The following AGAP1 variants were observed in gnomAD, a reference collection of about 807,000 sequenced individuals.
AGAP1 encodes the protein arf-GAP with GTPase, ANK repeat and PH domain-containing protein 1.
Under a neutral mutation model 105.3 loss-of-function variants are expected in AGAP1, and 29 were observed. The observed-to-expected ratio is 0.28, with a 90% CI of 0.21 to 0.38. The LOEUF is 0.38. Among genes scored for constraint, AGAP1 ranks in the 10% least tolerant of loss-of-function variants. AGAP1 has a pLI of 1.00. For missense variants in AGAP1, 998 were observed against 1,165.1 expected (o/e 0.86, Z 2.09); for synonymous variants, 509 against 485.9 (o/e 1.05, Z -0.63).
At chr2:236,057,312 T>C (rs1390441877) in intron 16 of AGAP1, among the ~76,000 whole-genome samples, 1 of 152,192 alleles carries the variant, frequency 6.6e-6, no homozygotes, top group Non-Finnish European at 1.5e-5. Flanking sequence ...TTTCAACGTG[T>C]TAGCCAGGCT....
intron 1 of AGAP1, among the ~76,000 whole-genome samples, chr2:235,686,066 C>T (rs1199320207): frequency 5.3e-5 from 8 of 152,156 alleles, no homozygotes; most frequent in Non-Finnish European, 1.2e-4. Flanking sequence ...CAGGTTTGTC[C>T]TGAGCATTTT....
At chr2:235,862,461 A>G (rs1367385408) in intron 9 of AGAP1, among the ~76,000 whole-genome samples, 1 of 152,202 alleles carries the variant, frequency 6.6e-6, no homozygotes, top group Non-Finnish European at 1.5e-5. Flanking sequence ...TGCATTTTCC[A>G]TGCCCGTTCT....
At chr2:236,025,991 C>T (rs1418915669) in intron 13 of AGAP1, among the ~76,000 whole-genome samples, 1 of 152,064 alleles carries the variant, frequency 6.6e-6, no homozygotes, top group Non-Finnish European at 1.5e-5. Flanking sequence ...TCAGGGACCT[C>T]AGAGGCACCA....
intron 13 of AGAP1, among the ~76,000 whole-genome samples, chr2:236,019,243 G>A (rs1486224902): frequency 1.3e-5 from 2 of 152,180 alleles, no homozygotes; most frequent in East Asian, 1.9e-4. Context: ...GCCATTGCCT[G>A]CGCTGGGTGC....
intron 13 of AGAP1, among the ~76,000 whole-genome samples, chr2:235,996,042 C>T (rs759124911): frequency 6.6e-6 from 1 of 152,124 alleles, no homozygotes; most frequent in Non-Finnish European, 1.5e-5. Flanking sequence ...CACGTGGGCT[C>T]GGAGGGGTAC....
Position 235,983,661 on chromosome 2 carries a change from T to C in AGAP1, c.1645+15038T>C, listed in dbSNP as rs1278591115. ...TACCGTGTCCTTACTGTGCCTTTTC[T>C]ATGGTTAGATGTTTAAATACACACT... On this transcript the variant is annotated intron_variant, in intron 13 of 17. Transcript: ENST00000304032. This position sits in a 1 kb window ranked among gnomAD's most constrained non-coding sequence, Gnocchi z 4.5. Among the ~76,000 whole-genome samples, 1 of 152,230 alleles carries C rather than the reference T, an allele frequency of 6.6e-6. No individual in the cohort carries two copies. The highest frequency in any genetic ancestry group is 1.5e-5 in the Non-Finnish European group (1 of 68,054).
In AGAP1 at chr2:235,926,395, C is replaced by T. The variant is rs958680898; in HGVS notation, c.1325-4370C>T. The stretch of plus-strand genomic sequence containing the variant: ...CACATGGCACGAGATGCTCCATGGG[C>T]GTGTTAACCCAGCATGGCAGCTTCC... On this transcript the variant is annotated intron_variant, in intron 11 of 17. Transcript: ENST00000304032. Among the ~76,000 whole-genome samples the T allele has an allele frequency of 5.3e-5, 8 of 152,156 alleles. 1 individual carries two copies. The highest frequency in any genetic ancestry group is 3.9e-4 in the East Asian group (2 of 5,184).
intron 12 of AGAP1, among the ~76,000 whole-genome samples, chr2:235,939,584 T>TCCCTGTCCC (rs113141143): frequency 9.5e-4 from 144 of 151,442 alleles, no homozygotes; most frequent in African/African-American, 3.3e-3. Flanking sequence ...TCGTCTGTCC[T>TCCCTGTCCC]CAGCTACCAC....
At chr2:236,022,530 AC>A (rs1174511326) in intron 13 of AGAP1, among the ~76,000 whole-genome samples, 1 of 152,128 alleles carries the variant, frequency 6.6e-6, no homozygotes, top group Non-Finnish European at 1.5e-5. Context: ...AGGCTTGCCT[AC>A]AGTCTTTGTC....
chr2:236,041,809 G>A (rs1018080437), intron 15 of AGAP1, among the ~76,000 whole-genome samples: 2 of 152,214 alleles, frequency 1.3e-5, no homozygotes, highest in Non-Finnish European at 2.9e-5. Context: ...GCTGACCATG[G>A]AGCTAAGCGC....
intron 1 of AGAP1, among the ~76,000 whole-genome samples, chr2:235,560,569 A>G (rs1206708233): frequency 6.6e-6 from 1 of 152,198 alleles, no homozygotes; most frequent in African/African-American, 2.4e-5. Context: ...GGGAAGTGAA[A>G]GAGGAGAGTC....
At chr2:235,802,953 A>ATGGTTGTGGTTGTGATGG (rs1559506146) in intron 8 of AGAP1, among the ~76,000 whole-genome samples, 1 of 5,468 alleles carries the variant, frequency 1.8e-4, no homozygotes, top group African/African-American at 6.2e-4. Context: ...AATGGTGGTG[A>ATGGTTGTGGTTGTGATGG]TGATGGTTGT....
At chr2:235,817,917 G>A (rs1001431676) in intron 9 of AGAP1, among the ~76,000 whole-genome samples, 1 of 152,076 alleles carries the variant, frequency 6.6e-6, no homozygotes, top group Non-Finnish European at 1.5e-5. Flanking sequence ...TGTTAGTTTG[G>A]GAAATATGTT....
intron 9 of AGAP1, among the ~76,000 whole-genome samples, chr2:235,827,753 C>G (rs1160094320): frequency 6.6e-6 from 1 of 152,202 alleles, no homozygotes; most frequent in Non-Finnish European, 1.5e-5. Context: ...TTTAACATAG[C>G]TTGCCCGTAC....
rs2125996244 is a variant in AGAP1, at chr2:236,129,551, G to A, written c.*5429G>A. 6.6e-6 allele frequency: 1 copy of A among 152,312 alleles called. No homozygotes were observed. Among genetic ancestry groups the A allele is most frequent in the Non-Finnish European group, 1.5e-5 (1 of 68,038 alleles). 9.4% of individuals were successfully genotyped at this position (152,312 alleles called of 1,614,324 possible). A position where few individuals can be genotyped will look rare whatever the true frequency, so the allele number is the denominator to read the frequency against. On this transcript the variant is annotated 3_prime_UTR_variant, in exon 18 of 18. Coordinates refer to ENST00000304032, the MANE Select transcript of AGAP1 (RefSeq NM_001037131.3). The surrounding 1 kb of genome is among the most constrained non-coding windows in gnomAD (Gnocchi z 6.2). Reference sequence around the variant, plus strand: ...GTCTGTGATTAGAGAGAAGTGGCCAGTGTCCCGTCTGTGATTAGACAGAAA... The same window carrying A: ...GTCTGTGATTAGAGAGAAGTGGCCAATGTCCCGTCTGTGATTAGACAGAAA...
In AGAP1 at chr2:235,517,788, T is replaced by C. The variant is rs1325576335; in HGVS notation, c.163+22939T>C. Among the ~76,000 whole-genome samples the C allele has an allele frequency of 6.6e-6, 1 of 151,652 alleles. No homozygotes were observed. Among genetic ancestry groups the C allele is most frequent in the East Asian group, 1.9e-4 (1 of 5,156 alleles). ...CCCGTTTCTACTAAAAATACAAAAA[T>C]TAGTCAGACATGGTGGCGTGTGCCT... is the stretch of plus-strand genomic sequence containing the variant. On this transcript the variant is annotated intron_variant, in intron 1 of 17. Transcript: ENST00000304032. The surrounding 1 kb of genome is among the most constrained non-coding windows in gnomAD (Gnocchi z 4.1).
chr2:235,639,314 T>C lies in AGAP1; in HGVS notation c.164-69865T>C, dbSNP rs1215048212. Among the ~76,000 whole-genome samples, 1 of 152,026 alleles carries C rather than the reference T, an allele frequency of 6.6e-6. No individual in the cohort carries two copies. Among genetic ancestry groups the C allele is most frequent in the Admixed American group, 6.6e-5 (1 of 15,264 alleles). Reference sequence around the variant, plus strand: ...GCTGGGGGCATCCATTTGAAGGTTATGGGAAGATGGAAAGCACGCCCTGGA... The same window carrying C: ...GCTGGGGGCATCCATTTGAAGGTTACGGGAAGATGGAAAGCACGCCCTGGA... On this transcript the variant is annotated intron_variant, in intron 1 of 17. Coordinates refer to ENST00000304032, the MANE Select transcript of AGAP1 (RefSeq NM_001037131.3). The surrounding 1 kb of genome is among the most constrained non-coding windows in gnomAD (Gnocchi z 5.3).
At chr2:235,771,512 G>A (rs1464784165) in intron 6 of AGAP1, among the ~76,000 whole-genome samples, 2 of 152,220 alleles carry the variant, frequency 1.3e-5, no homozygotes, top group Non-Finnish European at 2.9e-5. Context: ...CTGGAGACAT[G>A]CCGGTCTCTG....
rs1422163903 is a variant in AGAP1 at position 236,044,128 on chromosome 2, G to C, written c.1891+3287G>C. 6.6e-6 allele frequency among the ~76,000 whole-genome samples: 1 copy of C among 151,134 alleles called. No homozygotes were observed. Among genetic ancestry groups the C allele is most frequent in the Non-Finnish European group, 1.5e-5 (1 of 67,528 alleles). On this transcript the variant is annotated intron_variant, in intron 15 of 17. Coordinates refer to ENST00000304032, the MANE Select transcript of AGAP1 (RefSeq NM_001037131.3). This position sits in a 1 kb window ranked among gnomAD's most constrained non-coding sequence, Gnocchi z 5.7. ...GGGATTCTGAGAGCCAGTGAATTTG[G>C]GAAACTCTTAACAACGTCCGACTCC...
Sources: gnomAD v4.1 joint callset for allele counts (sites outside exome capture counted in the v4.1 genomes callset) on GRCh38, gnomAD v4.1.1 for gene constraint, Gnocchi (gnomAD v3.1) non-coding constraint, MANE v1.5 for transcripts, NCBI Gene and HGNC (gene_info 2026-07-23, HGNC 2026-07-21) for gene names.